Variants in CSNK1G1 observed in about 807,000 individuals in gnomAD.
The protein encoded by CSNK1G1 is casein kinase I isoform gamma-1.
CSNK1G1 carries 22 observed loss-of-function variants against 59.6 expected under a neutral mutation model. The ratio of observed to expected loss-of-function variants is 0.37; its 90% CI spans 0.26 to 0.53. The LOEUF (loss-of-function observed/expected upper bound fraction) is 0.53. Ranked by LOEUF, CSNK1G1 falls within the 20% of genes least tolerant of loss-of-function variation. The pLI is 0.89. For missense variants in CSNK1G1, 384 were observed against 519.5 expected (o/e 0.74, Z 2.54); for synonymous variants, 179 against 177.1 (o/e 1.01, Z -0.08).
intron 6 of CSNK1G1, among the ~76,000 whole-genome samples, chr15:64,213,244 G>A (rs1166825086): frequency 6.6e-6 from 1 of 152,010 alleles, no homozygotes; most frequent in Admixed American, 6.5e-5. Context: ...TTTTGAAGTG[G>A]ATAAGCCTAG....
In CSNK1G1 at chr15:64,210,130, A is replaced by G. The variant is rs1461746624; in HGVS notation, c.680-2536T>C. ...ATCAGGAAGGGTACCTAAATAAGGTACCCAAAATAAGGGTACCTAAATCAG... is the reference window on the plus strand; with the variant it reads ...ATCAGGAAGGGTACCTAAATAAGGTGCCCAAAATAAGGGTACCTAAATCAG... On this transcript the variant is annotated intron_variant, in intron 6 of 11. Transcript: ENST00000303052. This position sits in a 1 kb window ranked among gnomAD's most constrained non-coding sequence, Gnocchi z 4.2. Among the ~76,000 whole-genome samples, 1 of 152,138 alleles carries G rather than the reference A, an allele frequency of 6.6e-6. No individual in the cohort carries two copies. Among genetic ancestry groups the G allele is most frequent in the Non-Finnish European group, 1.5e-5 (1 of 68,018 alleles).
chr15:64,257,273 G>T (rs1434189481), intron 3 of CSNK1G1, among the ~76,000 whole-genome samples: 1 of 152,068 alleles, frequency 6.6e-6, no homozygotes, highest in East Asian at 1.9e-4. Context: ...ATCTATACAG[G>T]TTGATTGGTA....
intron 4 of CSNK1G1, among the ~76,000 whole-genome samples, chr15:64,224,036 C>A (rs2082424573): frequency 6.6e-6 from 1 of 152,186 alleles, no homozygotes; most frequent in African/African-American, 2.4e-5. Context: ...GAAATAGAAC[C>A]ACCTCAAAGG....
intron 10 of CSNK1G1, chr15:64,181,309 G>A (rs748779311): frequency 7.3e-5 from 112 of 1,536,030 alleles, no homozygotes; most frequent in Non-Finnish European, 8.5e-5. Context: ...TCTCTTGCAT[G>A]TGTAGCTGCT....
At chr15:64,283,119 C>T (rs1566932935) in intron 2 of CSNK1G1, among the ~76,000 whole-genome samples, 1 of 152,060 alleles carries the variant, frequency 6.6e-6, no homozygotes, top group Non-Finnish European at 1.5e-5. Flanking sequence ...AGAACTTACT[C>T]ATGTAACCAA....
chr15:64,302,364 G>T (rs914631073), intron 1 of CSNK1G1, among the ~76,000 whole-genome samples: 1 of 152,126 alleles, frequency 6.6e-6, no homozygotes, highest in South Asian at 2.1e-4. Flanking sequence ...GCCTCCCAAA[G>T]TGCTGGGATT....
intron 10 of CSNK1G1, among the ~76,000 whole-genome samples, chr15:64,199,086 GA>G (rs60763700): frequency 0.19 from 26,499 of 136,724 alleles, 3,000 homozygotes; most frequent in African/African-American, 0.35. Flanking sequence ...CAGAAAATAC[GA>G]AAAAAAAAAA....
chr15:64,238,662 G>C (rs992811388), intron 4 of CSNK1G1, among the ~76,000 whole-genome samples: 1 of 151,190 alleles, frequency 6.6e-6, no homozygotes, highest in South Asian at 2.1e-4. Context: ...GTGCCTATTA[G>C]ACTGAGCCCT....
intron 1 of CSNK1G1, among the ~76,000 whole-genome samples, chr15:64,318,759 T>G (rs928542154): frequency 6.6e-6 from 1 of 151,476 alleles, no homozygotes. Flanking sequence ...TACAGGCACA[T>G]GCTAACGAGC....
chr15:64,233,054 T>C (rs1342858789), intron 4 of CSNK1G1, among the ~76,000 whole-genome samples: 1 of 152,198 alleles, frequency 6.6e-6, no homozygotes, highest in Non-Finnish European at 1.5e-5. Context: ...GTAAGTTACA[T>C]GGGTGTATTT....
chr15:64,294,744 CTACAAAAAA>C (rs1306972032), intron 2 of CSNK1G1, among the ~76,000 whole-genome samples: 1 of 150,798 alleles, frequency 6.6e-6, no homozygotes, highest in Non-Finnish European at 1.5e-5. Context: ...AACCCCGTCT[CTACAAAAAA>C]TACAAAAAAT....
intron 1 of CSNK1G1, among the ~76,000 whole-genome samples, chr15:64,325,031 T>C (rs758831886): frequency 8.5e-5 from 13 of 152,336 alleles, no homozygotes; most frequent in East Asian, 5.8e-4. Context: ...AGGGTAACTA[T>C]TGAACATGTA....
Position 64,259,226 on chromosome 15 carries a change from G to C in CSNK1G1, c.197C>G (p.Thr66Ser). Residue 66 changes from threonine to serine, a missense_variant, in exon 3 of 12, where the codon ACC (threonine) becomes AGC (serine). Thr to Ser is a moderately conservative substitution (Grantham distance 58). Around this residue, in one of 3 missense-constraint regions of CSNK1G1, gnomAD observed 325 missense variants for 440.9 expected, o/e 0.74. Transcript: ENST00000303052. ...CAGTTTGATTGCTACATATTCATTG[G>C]TGTAGAGATTTTTACCTAAGAGGAA... The part of the protein sequence containing the change: ...GELRLGKNLY[T>S]NEYVAIKLEP... The C allele has an allele frequency of 1.9e-6, 3 of 1,596,942 alleles. No individual in the cohort carries two copies. Among genetic ancestry groups the C allele is most frequent in the East Asian group, 2.3e-5 (1 of 44,280 alleles).
chr15:64,351,225 G>A (rs16947898), intron 1 of CSNK1G1, among the ~76,000 whole-genome samples: 6,519 of 152,128 alleles, frequency 0.043, 156 homozygotes, highest in South Asian at 0.079. Context: ...AGAAAGCACC[G>A]CCTGGACTTT....
At chr15:64,177,797 C>T (rs1170046179) in intron 11 of CSNK1G1, among the ~76,000 whole-genome samples, 6 of 152,192 alleles carry the variant, frequency 3.9e-5, no homozygotes, top group Non-Finnish European at 5.9e-5. Flanking sequence ...TGAATGGGTT[C>T]AAAAGATAAA....
In CSNK1G1 at chr15:64,222,256, A is replaced by T. The variant is rs1256076863; in HGVS notation, c.293-5543T>A. Among the ~76,000 whole-genome samples the T allele has an allele frequency of 5.6e-5, 8 of 142,762 alleles. No individual in the cohort carries two copies. In the East Asian group the frequency reaches 6.9e-4, roughly 12 times the overall value. 93.7% of individuals were successfully genotyped at this position (142,762 alleles called of 152,430 possible). A position where few individuals can be genotyped will look rare whatever the true frequency, so the allele number is the denominator to read the frequency against. ...ACACATGGACACAGAGAGGGGAACA[A>T]CACACACCAGGGCCTGTTGGTGGAT... On this transcript the variant is annotated intron_variant, in intron 4 of 11. Transcript: ENST00000303052.
intron 2 of CSNK1G1, among the ~76,000 whole-genome samples, chr15:64,261,252 G>T (rs912273466): frequency 6.6e-6 from 1 of 152,186 alleles, no homozygotes; most frequent in African/African-American, 2.4e-5. Flanking sequence ...TCTGCGCAAA[G>T]ATTTTTCAGG....
Position 64,171,979 on chromosome 15 carries a change from G to A in CSNK1G1, c.1221C>T (p.Cys407=). ...EVEVVEEAKC[C]CFFKRKRKKT... is the part of the protein sequence containing the mutation. The stretch of plus-strand genomic sequence containing the variant: ...TCTTCCTTTTCCTCTTAAAGAAACA[G>A]CAGCACCTGGAGCACAAGGAACATT... Residue 407 remains cysteine (C), a synonymous_variant, in exon 12 of 12, where the codon TGC becomes TGT. Coordinates refer to ENST00000303052, the MANE Select transcript of CSNK1G1 (RefSeq NM_022048.5). The surrounding 1 kb of genome is among the most constrained non-coding windows in gnomAD (Gnocchi z 4.8). 6.2e-7 allele frequency: 1 copy of A among 1,613,992 alleles called. No homozygotes were observed. Among genetic ancestry groups the A allele is most frequent in the Non-Finnish European group, 8.5e-7 (1 of 1,179,960 alleles).
chr15:64,235,811 T>C (rs1224254270), intron 4 of CSNK1G1, among the ~76,000 whole-genome samples: 4 of 152,204 alleles, frequency 2.6e-5, no homozygotes, highest in Non-Finnish European at 5.9e-5. Flanking sequence ...TATATATTTA[T>C]TTTCTGTATT....
Sources: gnomAD v4.1 joint callset for allele counts (sites outside exome capture counted in the v4.1 genomes callset) on GRCh38, gnomAD v4.1.1 for gene constraint, gnomAD v4.1.1 regional missense constraint, Gnocchi (gnomAD v3.1) non-coding constraint, MANE v1.5 for transcripts, NCBI Gene and HGNC (gene_info 2026-07-23, HGNC 2026-07-21) for gene names.